ENTREP2: variants seen among roughly 807,000 people sequenced by gnomAD.
ENTREP2 encodes the protein endosomal transmembrane epsin interactor 2.
the ENTREP2 span, among the ~76,000 whole-genome samples, chr15:29,457,234 G>A: frequency 6.6e-6 from 1 of 152,376 alleles, no homozygotes; most frequent in East Asian, 1.9e-4. Flanking sequence ...CACACATCCA[G>A]TCGGAATGTC....
At chr15:29,269,436 G>C in the ENTREP2 span, 2 of 1,614,056 alleles carry the variant, frequency 1.2e-6, no homozygotes, top group South Asian at 2.2e-5. Flanking sequence ...GCACCAGCTC[G>C]GACACTTTCA....
the ENTREP2 span, among the ~76,000 whole-genome samples, chr15:29,568,224 C>G: frequency 3.2e-3 from 486 of 152,252 alleles, 3 homozygotes; most frequent in African/African-American, 0.011. Flanking sequence ...AAAATAAGCC[C>G]ATGAAAAAAC....
the ENTREP2 span, among the ~76,000 whole-genome samples, chr15:29,462,211 T>G: frequency 6.6e-6 from 1 of 152,160 alleles, no homozygotes; most frequent in Non-Finnish European, 1.5e-5. Context: ...GCTATGAACA[T>G]GGCTGTGCAA....
chr15:29,255,017 A>G, the ENTREP2 span, among the ~76,000 whole-genome samples: 9 of 152,216 alleles, frequency 5.9e-5, no homozygotes, highest in African/African-American at 1.9e-4. Context: ...GCATCATTAG[A>G]CAGAGTCCAC....
the ENTREP2 span, among the ~76,000 whole-genome samples, chr15:29,189,191 G>A: frequency 6.6e-6 from 1 of 152,234 alleles, no homozygotes; most frequent in Non-Finnish European, 1.5e-5. Context: ...CCTGGGGCTT[G>A]TGACTGGCAT....
chr15:29,332,959 C>CAAA, the ENTREP2 span, among the ~76,000 whole-genome samples: 6 of 48,338 alleles, frequency 1.2e-4, no homozygotes, highest in Non-Finnish European at 2.6e-4. Flanking sequence ...AACTCCATCT[C>CAAA]AAAAAAAAAA....
At chr15:29,277,373 A>G in the ENTREP2 span, among the ~76,000 whole-genome samples, 1 of 152,024 alleles carries the variant, frequency 6.6e-6, no homozygotes, top group African/African-American at 2.4e-5. Context: ...CAAATGAGCT[A>G]ATCAATCTGG....
chr15:29,478,013 A>T, the ENTREP2 span, among the ~76,000 whole-genome samples: 1,993 of 65,356 alleles, frequency 0.03, 142 homozygotes, highest in African/African-American at 0.044. Flanking sequence ...ATATATATAT[A>T]TATATATTTT....
chr15:29,489,501 T>TTTGATTTC, the ENTREP2 span, among the ~76,000 whole-genome samples: 1 of 45,448 alleles, frequency 2.2e-5, no homozygotes, highest in African/African-American at 2.2e-4. Context: ...ACTTTGATTC[T>TTTGATTTC]GTATGTGCGT....
chr15:29,283,262 C>T, the ENTREP2 span, among the ~76,000 whole-genome samples: 12 of 152,196 alleles, frequency 7.9e-5, no homozygotes, highest in Non-Finnish European at 1.5e-4. Context: ...AAAAGACTAT[C>T]CCCACCCTCA....
the ENTREP2 span, among the ~76,000 whole-genome samples, chr15:29,223,856 GGA>G: frequency 2.6e-5 from 4 of 152,158 alleles, no homozygotes; most frequent in Non-Finnish European, 5.9e-5. Flanking sequence ...GGCACTCTCT[GGA>G]GAGGGCTCAG....
chr15:29,633,993 G>A, the ENTREP2 span, among the ~76,000 whole-genome samples: 2 of 152,188 alleles, frequency 1.3e-5, no homozygotes, highest in African/African-American at 2.4e-5. Flanking sequence ...GTTTCATGAG[G>A]GGCTCACTGC....
the ENTREP2 span, among the ~76,000 whole-genome samples, chr15:29,384,947 C>A: frequency 6.6e-6 from 1 of 152,138 alleles, no homozygotes; most frequent in Non-Finnish European, 1.5e-5. Context: ...AAGAAACATC[C>A]CCTAGAAAAT....
At chr15:29,608,766 A>G in the ENTREP2 span, among the ~76,000 whole-genome samples, 1 of 151,268 alleles carries the variant, frequency 6.6e-6, no homozygotes, top group Non-Finnish European at 1.5e-5. Context: ...ACAGGGTTTC[A>G]CCCTGTTAGC....
At chr15:29,193,196 T>C in the ENTREP2 span, among the ~76,000 whole-genome samples, 28 of 152,220 alleles carry the variant, frequency 1.8e-4, no homozygotes, top group African/African-American at 6.0e-4. Context: ...TGAAGGATAC[T>C]CGAGAACTGG....
At chr15:29,283,913 C>T in the ENTREP2 span, among the ~76,000 whole-genome samples, 101 of 151,902 alleles carry the variant, frequency 6.6e-4, no homozygotes, top group East Asian at 7.7e-4. Flanking sequence ...TATAAAAGAA[C>T]GGTCCCCACT....
chr15:29,451,244 C>T, the ENTREP2 span, among the ~76,000 whole-genome samples: 285 of 152,270 alleles, frequency 1.9e-3, no homozygotes, highest in Admixed American at 3.8e-3. Flanking sequence ...CCTGGTCCTT[C>T]GCTGATGATG....
At chr15:29,159,972 A>G in the ENTREP2 span, among the ~76,000 whole-genome samples, 1,397 of 152,346 alleles carry the variant, frequency 9.2e-3, 20 homozygotes, top group African/African-American at 0.031. Flanking sequence ...ATGGAGCAGG[A>G]GGCGGCGCTC....
the ENTREP2 span, among the ~76,000 whole-genome samples, chr15:29,283,923 TA>T: frequency 4.5e-4 from 68 of 152,192 alleles, no homozygotes; most frequent in African/African-American, 1.6e-3. Context: ...CGGTCCCCAC[TA>T]AAAACCAAAT....
Sources: allele counts gnomAD v4.1 joint callset (sites outside exome capture counted in the v4.1 genomes callset), GRCh38; gene constraint gnomAD v4.1.1; transcripts MANE v1.5; gene names NCBI Gene and HGNC (gene_info 2026-07-23, HGNC 2026-07-21).